The following TANC2 variants were observed in gnomAD, a reference collection of about 807,000 sequenced individuals.
TANC2 encodes the protein protein TANC2.
In TANC2, 26 loss-of-function variants were observed where a neutral mutation model predicts 210.5. The ratio of observed to expected loss-of-function variants is 0.12; its 90% CI spans 0.09 to 0.17. The LOEUF (loss-of-function observed/expected upper bound fraction) is 0.17, where lower values mean the gene tolerates loss of function less well. Among genes scored for constraint, TANC2 ranks in the 10% least tolerant of loss-of-function variants. The probability of loss-of-function intolerance (pLI) is 1.00; values close to 1 mark genes in which losing one functional copy is unlikely to be tolerated. For missense variants in TANC2, 2,129 were observed against 2,608.9 expected (o/e 0.82, Z 4.01); for synonymous variants, 931 against 967.1 (o/e 0.96, Z 0.69).
At position 63,418,501 on chromosome 17, in the gene TANC2, T is replaced by TA. The variant is rs1308124829; in HGVS notation, c.4268+95dup. 1 of 1,064,962 alleles carries TA rather than the reference T, an allele frequency of 9.4e-7. No individual in the cohort carries two copies. Among genetic ancestry groups the TA allele is most frequent in the South Asian group, 1.4e-5 (1 of 69,238 alleles). 66.0% of individuals were successfully genotyped at this position (1,064,962 alleles called of 1,614,324 possible). ...CCACCCTGGGGCATATGTACCCAAA[T>TA]ACATCTCTGTCCTTGAGAACTGTCA... is the stretch of plus-strand genomic sequence containing the variant. On this transcript the variant is annotated intron_variant, in intron 27 of 27. Transcript: ENST00000689528. The surrounding 1 kb of genome is among the most constrained non-coding windows in gnomAD (Gnocchi z 4.6).
At chr17:63,086,734 AC>A (rs1390414365) in intron 3 of TANC2, among the ~76,000 whole-genome samples, 2 of 152,126 alleles carry the variant, frequency 1.3e-5, no homozygotes, top group African/African-American at 4.8e-5. Context: ...GACTTGGAGA[AC>A]TTTTCTCTTA....
chr17:63,124,158 C>G (rs190443289), intron 4 of TANC2, among the ~76,000 whole-genome samples: 1 of 151,920 alleles, frequency 6.6e-6, no homozygotes, highest in Non-Finnish European at 1.5e-5. Flanking sequence ...AAAACAAGAC[C>G]TAATCAGGCT....
intron 1 of TANC2, among the ~76,000 whole-genome samples, chr17:63,000,971 A>C (rs2033350584): frequency 2.8e-5 from 1 of 36,188 alleles, no homozygotes; most frequent in Non-Finnish European, 5.2e-5. Flanking sequence ...GAACTAGCAA[A>C]AAAAAAAAAA....
At chr17:63,369,210 T>C (rs2047193904) in intron 14 of TANC2, among the ~76,000 whole-genome samples, 2 of 152,194 alleles carry the variant, frequency 1.3e-5, no homozygotes, top group African/African-American at 4.8e-5. Flanking sequence ...TATCAGGTCA[T>C]CCTACAAGTT....
At chr17:63,183,087 CAA>C (rs2040846736) in intron 5 of TANC2, among the ~76,000 whole-genome samples, 1 of 151,924 alleles carries the variant, frequency 6.6e-6, no homozygotes, top group Non-Finnish European at 1.5e-5. Context: ...TTTTAAACTT[CAA>C]AATAGTAAAT....
chr17:63,010,433 A>G (rs577196186), intron 2 of TANC2, among the ~76,000 whole-genome samples: 1 of 150,892 alleles, frequency 6.6e-6, no homozygotes, highest in South Asian at 2.1e-4. Flanking sequence ...CACTGCTCAC[A>G]CCAACATTTC....
intron 9 of TANC2, among the ~76,000 whole-genome samples, chr17:63,284,657 C>T (rs953807573): frequency 1.2e-4 from 18 of 151,960 alleles, no homozygotes; most frequent in African/African-American, 4.3e-4. Context: ...GAATTTTTTA[C>T]GGCCCAAAAT....
At chr17:63,138,543 G>A (rs2039173738) in intron 4 of TANC2, among the ~76,000 whole-genome samples, 1 of 152,098 alleles carries the variant, frequency 6.6e-6, no homozygotes, top group Non-Finnish European at 1.5e-5. Context: ...GCTACTTTAG[G>A]CTGTGTACTT....
intron 8 of TANC2, among the ~76,000 whole-genome samples, chr17:63,258,897 C>T (rs2043276631): frequency 6.6e-6 from 1 of 152,130 alleles, no homozygotes; most frequent in Non-Finnish European, 1.5e-5. Context: ...TTTCCTCAAG[C>T]AGGAGTCCTC....
intron 8 of TANC2, among the ~76,000 whole-genome samples, chr17:63,242,476 C>G (rs2042800413): frequency 6.6e-6 from 1 of 151,938 alleles, no homozygotes; most frequent in South Asian, 2.1e-4. Flanking sequence ...GGTTCCATAT[C>G]CATGGATATG....
At chr17:63,153,128 G>A (rs941216863) in intron 5 of TANC2, 10 of 152,094 alleles carry the variant, frequency 6.6e-5, no homozygotes, top group African/African-American at 2.4e-4. Context: ...TAACCTGAGG[G>A]TTGAAGCTAT....
At chr17:63,045,433 C>A (rs1188945587) in intron 2 of TANC2, among the ~76,000 whole-genome samples, 1 of 152,158 alleles carries the variant, frequency 6.6e-6, no homozygotes, top group Non-Finnish European at 1.5e-5. Flanking sequence ...TTATTCAAAT[C>A]TATCATTCTT....
intron 9 of TANC2, among the ~76,000 whole-genome samples, chr17:63,303,718 T>C (rs1598812159): frequency 6.6e-6 from 1 of 152,162 alleles, no homozygotes. Context: ...TTTCCTCCTT[T>C]CTTTCAGGTA....
chr17:63,066,354 G>T (rs562963457), intron 2 of TANC2, among the ~76,000 whole-genome samples: 57 of 152,202 alleles, frequency 3.7e-4, no homozygotes, highest in African/African-American at 1.3e-3. Context: ...GGGCCAGCCT[G>T]GTGGTAGGGC....
chr17:62,996,696 C>T (rs982587400), intron 1 of TANC2, among the ~76,000 whole-genome samples: 2 of 152,032 alleles, frequency 1.3e-5, no homozygotes, highest in African/African-American at 4.8e-5. Context: ...AATACATGCT[C>T]TTTTGAGTTC....
intron 1 of TANC2, among the ~76,000 whole-genome samples, chr17:62,982,464 C>T (rs759286707): frequency 3.3e-5 from 5 of 152,100 alleles, no homozygotes; most frequent in Non-Finnish European, 7.4e-5. Context: ...ATCTTTCAGT[C>T]CTTTGAATTT....
chr17:63,102,626 C>G (rs1397127865), intron 4 of TANC2, among the ~76,000 whole-genome samples: 2 of 148,318 alleles, frequency 1.3e-5, no homozygotes, highest in Admixed American at 6.7e-5. Context: ...CCCCCCTCCT[C>G]CCTCCCCCCA....
intron 9 of TANC2, among the ~76,000 whole-genome samples, chr17:63,279,810 C>G (rs897538946): frequency 6.6e-6 from 1 of 152,034 alleles, no homozygotes; most frequent in Non-Finnish European, 1.5e-5. Flanking sequence ...TTTTATTCCC[C>G]TATGTCTTAT....
At chr17:63,247,435 C>T (rs2042947865) in intron 8 of TANC2, among the ~76,000 whole-genome samples, 1 of 151,440 alleles carries the variant, frequency 6.6e-6, no homozygotes, top group Admixed American at 6.6e-5. Flanking sequence ...AAAATACTTC[C>T]TGAAATACTT....
Sources: gnomAD v4.1 joint callset for allele counts (sites outside exome capture counted in the v4.1 genomes callset) on GRCh38, gnomAD v4.1.1 for gene constraint, Gnocchi (gnomAD v3.1) non-coding constraint, MANE v1.5 for transcripts, NCBI Gene and HGNC (gene_info 2026-07-23, HGNC 2026-07-21) for gene names.